The following PHF14 variants were observed in gnomAD, a reference collection of about 807,000 sequenced individuals.
The protein encoded by PHF14 is PHD finger protein 14.
PHF14 carries 55 observed loss-of-function variants against 117.9 expected under a neutral mutation model. The ratio of observed to expected loss-of-function variants is 0.47; its 90% CI spans 0.38 to 0.58. The LOEUF (loss-of-function observed/expected upper bound fraction) is 0.58. PHF14 is among the 20% of genes least tolerant of loss of function. PHF14 has a pLI of 0.00. For missense variants in PHF14, 978 were observed against 1,122.2 expected, an observed-to-expected ratio of 0.87 and a Z score of 1.84; for synonymous variants, 409 against 368.6, an observed-to-expected ratio of 1.11 and a Z score of -1.26.
chr7:11,035,639 G>T lies in PHF14; in HGVS notation c.1456-1G>T. 1 of 1,603,390 alleles carries T rather than the reference G, an allele frequency of 6.2e-7. No homozygotes were observed. The highest frequency in any genetic ancestry group is 1.1e-5 in the South Asian group (1 of 89,922). ...TATTTTTCTGTGCTTTCTTTGTATA[G>T]GATATAGCAGATCCATTCTTTGCTT... On this transcript the variant is annotated splice_acceptor_variant, in intron 7 of 17. Transcript: ENST00000634607. LOFTEE classifies it high-confidence loss of function.
intron 16 of PHF14, among the ~76,000 whole-genome samples, chr7:11,096,043 T>C (rs1216593163): frequency 1.3e-5 from 2 of 152,192 alleles, no homozygotes. Flanking sequence ...TTTGTGTCTT[T>C]GTCAGAATGC....
At chr7:10,990,631 G>C (rs1200173216) in intron 3 of PHF14, 72 bp from the exon 4 acceptor site, 3 of 918,342 alleles carry the variant, frequency 3.3e-6, no homozygotes, top group East Asian at 2.7e-5. Context: ...AAGTAATAAA[G>C]AATTTTAGTG....
chr7:11,081,922 T>C (rs1422411763), intron 16 of PHF14, among the ~76,000 whole-genome samples: 1 of 152,142 alleles, frequency 6.6e-6, no homozygotes, highest in Non-Finnish European at 1.5e-5. Context: ...TTAAAGCTTT[T>C]CTCTATCTTC....
At chr7:11,104,831 C>A in intron 16 of PHF14, 1 of 793,696 alleles carries the variant, frequency 1.3e-6, no homozygotes, top group African/African-American at 1.9e-5. Flanking sequence ...GATGCTGATG[C>A]TACTGGCCTG....
chr7:11,141,052 A>G (rs1357799710), intron 17 of PHF14, among the ~76,000 whole-genome samples: 1 of 152,078 alleles, frequency 6.6e-6, no homozygotes, highest in Admixed American at 6.6e-5. Context: ...CTACTTCTCC[A>G]CTTAGCTGTG....
At chr7:11,009,794 A>G (rs1315021519) in intron 4 of PHF14, among the ~76,000 whole-genome samples, 8 of 152,218 alleles carry the variant, frequency 5.3e-5, no homozygotes, top group Admixed American at 5.2e-4. Flanking sequence ...AAAAATACAT[A>G]CAGACTTGCT....
In PHF14 at chr7:11,036,623, G is replaced by A. The variant is rs1784332737; in HGVS notation, c.1808G>A (p.Ser603Asn). ...FPVDNSDTSS[S>N]VDGRRKHKQP... The stretch of plus-strand genomic sequence containing the variant: ...GTGGACAATTCAGATACTAGTTCTA[G>A]TGTGGATGGAAGGAGAAAACATAAG... The change falls in exon 9 of 18, where the codon AGT (serine) becomes AAT (asparagine). Residue 603 changes from serine to asparagine, a missense_variant. Ser to Asn is a conservative substitution (Grantham distance 46). Coordinates refer to ENST00000634607, the MANE Select transcript of PHF14 (RefSeq NM_001007157.2). 1 of 1,613,858 alleles carries A rather than the reference G, an allele frequency of 6.2e-7. No individual in the cohort carries two copies. The highest frequency in any genetic ancestry group is 8.5e-7 in the Non-Finnish European group (1 of 1,179,744).
intron 13 of PHF14, among the ~76,000 whole-genome samples, chr7:11,046,067 C>T (rs1784652597): frequency 6.6e-6 from 1 of 152,118 alleles, no homozygotes. Flanking sequence ...AAGAATTCCA[C>T]AGAGAATAGA....
intron 4 of PHF14, chr7:11,006,521 AC>A: frequency 7.0e-6 from 4 of 569,784 alleles, no homozygotes; most frequent in South Asian, 5.5e-5. Context: ...CATCAATGTC[AC>A]AGAGCTCCTT....
intron 13 of PHF14, among the ~76,000 whole-genome samples, chr7:11,044,045 C>G (rs901051420): frequency 6.6e-6 from 1 of 151,950 alleles, no homozygotes; most frequent in Non-Finnish European, 1.5e-5. Flanking sequence ...AACAAGGAGG[C>G]AGCTGGAGGC....
chr7:10,974,416 C>T, intron 1 of PHF14, 92 bp downstream of exon 1: 4 of 1,096,270 alleles, frequency 3.6e-6, no homozygotes, highest in South Asian at 2.7e-5. Context: ...TGGGAGAGTC[C>T]TGCGGGAAAG....
At chr7:11,127,928 C>T (rs1787972866) in intron 17 of PHF14, among the ~76,000 whole-genome samples, 1 of 151,888 alleles carries the variant, frequency 6.6e-6, no homozygotes. Flanking sequence ...TTCACTTCTT[C>T]AAACACTTTA....
At chr7:11,155,540 C>G (rs182412032) in intron 17 of PHF14, among the ~76,000 whole-genome samples, 53 of 152,256 alleles carry the variant, frequency 3.5e-4, no homozygotes, top group African/African-American at 1.3e-3. Context: ...TTTGCTTGAC[C>G]AACTCTTTCT....
At chr7:11,049,029 G>GCTA (rs1784765254) in intron 13 of PHF14, among the ~76,000 whole-genome samples, 1 of 152,114 alleles carries the variant, frequency 6.6e-6, no homozygotes, top group Non-Finnish European at 1.5e-5. Flanking sequence ...AAGGGTAATT[G>GCTA]CTACCAAAAG....
intron 4 of PHF14, among the ~76,000 whole-genome samples, chr7:11,003,559 G>A (rs1782958194): frequency 6.6e-6 from 1 of 152,140 alleles, no homozygotes; most frequent in Admixed American, 6.5e-5. Flanking sequence ...GGTTACTGTA[G>A]TGAAGGAAAT....
chr7:11,105,961 C>T lies in PHF14; in HGVS notation c.2655-5389C>T, dbSNP rs376380502. On this transcript the variant is annotated intron_variant, in intron 16 of 17. Transcript: ENST00000634607. ...AATACAAAGTTACATGGAGCTTGAG[C>T]TCAGCAGGTTGTACTGCTGAAAAAT... 13 of 984,604 alleles carry T rather than the reference C, an allele frequency of 1.3e-5. No individual in the cohort carries two copies. In the South Asian group the frequency reaches 6.1e-4, roughly 46 times the overall value. 61.0% of individuals were successfully genotyped at this position (984,604 alleles called of 1,614,324 possible). A position where few individuals can be genotyped will look rare whatever the true frequency, so the allele number is the denominator to read the frequency against.
At chr7:11,104,385 C>T in intron 16 of PHF14, 4 of 959,336 alleles carry the variant, frequency 4.2e-6, no homozygotes, top group Non-Finnish European at 5.0e-6. Flanking sequence ...AATACTTTCT[C>T]CTAATAATCT....
At chr7:11,065,303 G>A (rs1044699598) in intron 16 of PHF14, among the ~76,000 whole-genome samples, 1 of 151,954 alleles carries the variant, frequency 6.6e-6, no homozygotes, top group Admixed American at 6.6e-5. Flanking sequence ...CATGGAATTG[G>A]GAAGTCTTAA....
At chr7:11,153,043 T>TA (rs1433437747) in intron 17 of PHF14, among the ~76,000 whole-genome samples, 1 of 152,188 alleles carries the variant, frequency 6.6e-6, no homozygotes, top group Admixed American at 6.5e-5. Flanking sequence ...TTACCCTAAA[T>TA]ACAAAGCTAC....
Sources: gnomAD v4.1 joint callset for allele counts (sites outside exome capture counted in the v4.1 genomes callset) on GRCh38, gnomAD v4.1.1 for gene constraint, MANE v1.5 for transcripts, NCBI Gene and HGNC (gene_info 2026-07-23, HGNC 2026-07-21) for gene names.